SRPK2: variants seen among roughly 807,000 people sequenced by gnomAD.
SRPK2 encodes SRSF protein kinase 2.
In SRPK2, 21 loss-of-function variants were observed where a neutral mutation model predicts 90.8. The ratio of observed to expected loss-of-function variants is 0.23; its 90% confidence interval spans 0.16 to 0.33. The LOEUF (loss-of-function observed/expected upper bound fraction) is 0.33, where lower values mean the gene tolerates loss of function less well. Ranked by LOEUF, SRPK2 falls within the 10% of genes least tolerant of loss-of-function variation. The pLI, the probability that SRPK2 is intolerant of heterozygous loss-of-function variation, is 1.00. For synonymous variants in SRPK2, 288 were observed against 311.1 expected, an observed-to-expected ratio of 0.93 and a Z score of 0.78; for missense variants, 620 against 869.0, an observed-to-expected ratio of 0.71 and a Z score of 3.60.
At position 105,151,247 on chromosome 7, in the gene SRPK2, C is replaced by A. The variant is rs146539134; in HGVS notation, c.622-4589G>T. On this transcript the variant is annotated intron_variant, in intron 7 of 15. Coordinates refer to ENST00000393651, the MANE Select transcript of SRPK2 (RefSeq NM_182692.3). ...ATTAAAGGAAATGGCAACAGGGCAG[C>A]GTTAAAAACATGACCTTGGATTCAG... 1.6e-3 allele frequency among the ~76,000 whole-genome samples: 242 copies of A among 152,296 alleles called. 2 individuals carry two copies. Among genetic ancestry groups the A allele is most frequent in the Non-Finnish European group, 2.8e-3 (188 of 68,028 alleles).
At chr7:105,271,692 CCA>C (rs1805854840) in intron 2 of SRPK2, among the ~76,000 whole-genome samples, 1 of 152,184 alleles carries the variant, frequency 6.6e-6, no homozygotes, top group Admixed American at 6.5e-5. Flanking sequence ...GCTCCTCAGT[CCA>C]CAGACTCTTG....
intron 2 of SRPK2, among the ~76,000 whole-genome samples, chr7:105,272,657 C>T (rs1805972071): frequency 6.6e-6 from 1 of 152,058 alleles, no homozygotes; most frequent in African/African-American, 2.4e-5. Context: ...TACACCCTTG[C>T]CATCAAGAAC....
chr7:105,383,681 G>T (rs1053811886), intron 2 of SRPK2, among the ~76,000 whole-genome samples: 16 of 152,102 alleles, frequency 1.1e-4, no homozygotes, highest in African/African-American at 3.6e-4. Context: ...TCCTCCCAAA[G>T]TGCTGGGATT....
At chr7:105,391,997 A>G (rs1243267757), upstream of SRPK2, among the ~76,000 whole-genome samples, 1 of 152,250 alleles carries the variant, frequency 6.6e-6, no homozygotes, top group African/African-American at 2.4e-5. Context: ...CGGTATATAC[A>G]TACACTGGAA....
At chr7:105,134,919 C>A in intron 11 of SRPK2, among the ~76,000 whole-genome samples, 1 of 152,316 alleles carries the variant, frequency 6.6e-6, no homozygotes, top group Admixed American at 6.5e-5. Flanking sequence ...CACAGCCTCA[C>A]CAAAGGCCAG....
intron 2 of SRPK2, among the ~76,000 whole-genome samples, chr7:105,220,653 T>C (rs1359311544): frequency 1.3e-5 from 2 of 152,238 alleles, no homozygotes; most frequent in Non-Finnish European, 1.5e-5. Context: ...CATTTATTAG[T>C]ATATGAAACA....
At chr7:105,133,552 G>T (rs1313548879) in intron 11 of SRPK2, among the ~76,000 whole-genome samples, 2 of 152,188 alleles carry the variant, frequency 1.3e-5, no homozygotes, top group Non-Finnish European at 2.9e-5. Context: ...GTGACACACA[G>T]TTCCTTGGAC....
At position 105,194,649 on chromosome 7, in the gene SRPK2, A is replaced by C. The variant is rs1794698553; in HGVS notation, c.229+8979T>G. Among the ~76,000 whole-genome samples, 4 of 152,238 alleles carry C rather than the reference A, an allele frequency of 2.6e-5. No homozygotes were observed. In the South Asian group the frequency reaches 8.3e-4, roughly 31 times the overall value. On this transcript the variant is annotated intron_variant, in intron 3 of 15. Transcript: ENST00000393651. ...ACCATGTTAATGGGTTGGAAGATTC[A>C]ATATTATTAAGGCGTATCTAAAATT...
chr7:105,192,664 G>A (rs917185848), intron 3 of SRPK2, among the ~76,000 whole-genome samples: 1 of 152,152 alleles, frequency 6.6e-6, no homozygotes. Flanking sequence ...ATTCCCACCA[G>A]CAGTGTAGAA....
At chr7:105,393,886 T>C (rs1355094995), upstream of SRPK2, among the ~76,000 whole-genome samples, 1 of 151,856 alleles carries the variant, frequency 6.6e-6, no homozygotes, top group East Asian at 1.9e-4. Flanking sequence ...TATAGTGAAC[T>C]ATGATCGCGC....
intron 2 of SRPK2, among the ~76,000 whole-genome samples, chr7:105,339,788 C>T (rs989901371): frequency 2.0e-5 from 3 of 152,174 alleles, no homozygotes; most frequent in Non-Finnish European, 2.9e-5. Flanking sequence ...TGGCCAGGAG[C>T]GGTGGCTCAC....
At chr7:105,239,476 T>C (rs1270126807) in intron 2 of SRPK2, among the ~76,000 whole-genome samples, 1 of 152,240 alleles carries the variant, frequency 6.6e-6, no homozygotes, top group Non-Finnish European at 1.5e-5. Flanking sequence ...CAGTTACATC[T>C]AGTCCTTCTC....
chr7:105,216,739 T>TA (rs1810495408), intron 2 of SRPK2, among the ~76,000 whole-genome samples: 1 of 151,710 alleles, frequency 6.6e-6, no homozygotes, highest in Non-Finnish European at 1.5e-5. Context: ...TTGCAACTAA[T>TA]TATCCTAGGG....
At chr7:105,365,101 GCTTA>G (rs892738627) in intron 2 of SRPK2, among the ~76,000 whole-genome samples, 1 of 152,122 alleles carries the variant, frequency 6.6e-6, no homozygotes, top group African/African-American at 2.4e-5. Flanking sequence ...AAATCCTGGT[GCTTA>G]CTTCTTTTCC....
intron 2 of SRPK2, among the ~76,000 whole-genome samples, chr7:105,233,058 G>T (rs140018359): frequency 6.8e-6 from 1 of 147,960 alleles, no homozygotes; most frequent in Non-Finnish European, 1.5e-5. Context: ...GAGAGAGGGA[G>T]GGAGCAAGGA....
chr7:105,188,806 A>T (rs779342701), intron 3 of SRPK2, among the ~76,000 whole-genome samples: 2 of 152,244 alleles, frequency 1.3e-5, no homozygotes, highest in Non-Finnish European at 2.9e-5. Context: ...TTCTGTTTGT[A>T]AATGTTTTTA....
At chr7:105,118,096 C>T in intron 15 of SRPK2, 74 bp from the exon 16 acceptor site, 1 of 1,535,378 alleles carries the variant, frequency 6.5e-7, no homozygotes, top group South Asian at 1.2e-5. Context: ...CAGTCAGGTT[C>T]TTTTCAGTGA....
At chr7:105,294,910 C>A (rs1002861075) in intron 2 of SRPK2, among the ~76,000 whole-genome samples, 1 of 152,038 alleles carries the variant, frequency 6.6e-6, no homozygotes, top group Admixed American at 6.6e-5. Context: ...TATTAGTTTT[C>A]TTTAAAAAAT....
At chr7:105,171,001 G>C (rs1156339718) in intron 3 of SRPK2, among the ~76,000 whole-genome samples, 1 of 122,298 alleles carries the variant, frequency 8.2e-6, no homozygotes, top group Non-Finnish European at 1.8e-5. Context: ...GAAAGAGAAA[G>C]AAAGAAAGAA....
Sources: gnomAD v4.1 joint callset for allele counts (sites outside exome capture counted in the v4.1 genomes callset) on GRCh38, gnomAD v4.1.1 for gene constraint, MANE v1.5 for transcripts, NCBI Gene and HGNC (gene_info 2026-07-23, HGNC 2026-07-21) for gene names.